Variants in ACOT13 observed in about 807,000 individuals in gnomAD.
The protein encoded by ACOT13 is acyl-coenzyme A thioesterase 13.
In ACOT13, 10 loss-of-function variants were observed where a neutral mutation model predicts 11.8. That is an observed-to-expected ratio of 0.85 (90% CI 0.53 to 1.44). The LOEUF (loss-of-function observed/expected upper bound fraction) is 1.44, where lower values mean the gene tolerates loss of function less well. Among genes scored for constraint, ACOT13 ranks in the 40% most tolerant of loss-of-function variants. The pLI is 0.00. For missense variants in ACOT13, 172 were observed against 174.1 expected, an observed-to-expected ratio of 0.99 and a Z score of 0.07; for synonymous variants, 53 against 61.0, an observed-to-expected ratio of 0.87 and a Z score of 0.61.
chr6:24,687,063 C>G (rs1323894676), intron 1 of ACOT13, among the ~76,000 whole-genome samples: 1 of 152,314 alleles, frequency 6.6e-6, no homozygotes, highest in East Asian at 1.9e-4. Context: ...TCGGAGGAGA[C>G]ACACACCATC....
rs1211133145 is a variant in ACOT13, at chr6:24,699,323, C to CCT, written c.266+1258_266+1259dup. ...CTCCCGGGTTCACACCATTCTCCTG[C>CCT]CTCAGCCTCCCGAGTAGCTGGGACT... On this transcript the variant is annotated intron_variant, in intron 2 of 2. Coordinates refer to ENST00000230048, the MANE Select transcript of ACOT13 (RefSeq NM_018473.4). 4.6e-5 allele frequency among the ~76,000 whole-genome samples: 7 copies of CCT among 151,536 alleles called. No individual in the cohort carries two copies. The South Asian group carries it at 1.5e-3, about 31-fold the overall frequency.
rs1243043021 is a variant in ACOT13, at chr6:24,701,512, T to C, written c.320T>C (p.Leu107Pro). 2 of 1,613,892 alleles carry C rather than the reference T, an allele frequency of 1.2e-6. No individual in the cohort carries two copies. The highest frequency in any genetic ancestry group is 2.7e-5 in the African/African-American group (2 of 74,940). ...GATATAGTGATTACAGCACATGTTC[T>C]GAAGCAAGGAAAAACACTTGCATTT... ...GEDIVITAHV[L>P]KQGKTLAFTS... The change falls in exon 3 of 3, where the codon CTG becomes CCG. Residue 107 changes from leucine (L) to proline (P), a missense_variant. Physicochemically the swap from Leu to Pro is moderately conservative, Grantham distance 98. Transcript: ENST00000230048.
intron 1 of ACOT13, among the ~76,000 whole-genome samples, chr6:24,690,597 A>G (rs764639359): frequency 6.6e-6 from 1 of 152,214 alleles, no homozygotes; most frequent in South Asian, 2.1e-4. Flanking sequence ...CTTTTGTAGC[A>G]TATCTGTCAC....
chr6:24,682,379 C>CA (rs1159276723), intron 1 of ACOT13, among the ~76,000 whole-genome samples: 1 of 152,178 alleles, frequency 6.6e-6, no homozygotes, highest in Non-Finnish European at 1.5e-5. Flanking sequence ...AAGATGGTGG[C>CA]AAGCCTCGTG....
chr6:24,700,414 A>G (rs908332885), intron 2 of ACOT13, among the ~76,000 whole-genome samples: 10 of 150,836 alleles, frequency 6.6e-5, no homozygotes, highest in African/African-American at 2.2e-4. Flanking sequence ...CTTTCCAGCA[A>G]TAAGATCCAC....
intron 2 of ACOT13, among the ~76,000 whole-genome samples, chr6:24,698,642 G>GT (rs536209327): frequency 0.12 from 16,643 of 141,762 alleles, 2,110 homozygotes; most frequent in East Asian, 0.48. Context: ...CATTGCTGGG[G>GT]TTTTTTTTTT....
At chr6:24,688,564 G>A (rs1778672787) in intron 1 of ACOT13, among the ~76,000 whole-genome samples, 1 of 149,986 alleles carries the variant, frequency 6.7e-6, no homozygotes, top group South Asian at 2.1e-4. Flanking sequence ...AAAAAATTGT[G>A]TGAGGGGAAA....
intron 1 of ACOT13, among the ~76,000 whole-genome samples, chr6:24,694,369 G>C (rs1483683443): frequency 1.3e-5 from 2 of 152,170 alleles, no homozygotes; most frequent in African/African-American, 4.8e-5. Context: ...TTTGAGGGTA[G>C]GCTGTTTTGC....
At chr6:24,687,930 C>T (rs535582882) in intron 1 of ACOT13, among the ~76,000 whole-genome samples, 5 of 151,434 alleles carry the variant, frequency 3.3e-5, no homozygotes, top group African/African-American at 1.2e-4. Flanking sequence ...CGAGGCTGGT[C>T]TCAAACTCCT....
intron 1 of ACOT13, among the ~76,000 whole-genome samples, chr6:24,682,004 A>G (rs1421065423): frequency 1.3e-5 from 2 of 152,214 alleles, no homozygotes; most frequent in African/African-American, 2.4e-5. Context: ...TCTGGACGAC[A>G]GCTTTCTGCC....
intron 1 of ACOT13, among the ~76,000 whole-genome samples, chr6:24,674,421 T>A (rs1007542245): frequency 1.3e-5 from 2 of 152,052 alleles, no homozygotes; most frequent in African/African-American, 4.8e-5. Context: ...GTTTTTTTGT[T>A]TTTTTGAGAT....
intron 1 of ACOT13, among the ~76,000 whole-genome samples, chr6:24,688,675 TACTA>T (rs1178059704): frequency 6.6e-6 from 1 of 152,140 alleles, no homozygotes. Flanking sequence ...AAAAATGACT[TACTA>T]ACAGGAGCAT....
rs751114877 is a variant in ACOT13, at chr6:24,704,896, C to A, written c.*3281C>A. On this transcript the variant is annotated 3_prime_UTR_variant, in exon 3 of 3. Transcript: ENST00000230048. ...CACCTGAATAGTCAGGGAACTTTCA[C>A]CTATTTTATTTAGGTTTTCTTTTTC... 1 of 152,198 alleles carries A rather than the reference C, an allele frequency of 6.6e-6. No homozygotes were observed. Among genetic ancestry groups the A allele is most frequent in the Non-Finnish European group, 1.5e-5 (1 of 67,988 alleles). The allele number at this position is 152,198 out of a possible 1,614,324, so 9.4% of individuals were successfully genotyped here.
chr6:24,692,098 A>G (rs966814218), intron 1 of ACOT13, among the ~76,000 whole-genome samples: 3 of 152,172 alleles, frequency 2.0e-5, no homozygotes, highest in Non-Finnish European at 4.4e-5. Context: ...TGAGTCCAGT[A>G]TCAAGTCTGG....
At chr6:24,671,947 G>T (rs899695389) in intron 1 of ACOT13, among the ~76,000 whole-genome samples, 1 of 152,172 alleles carries the variant, frequency 6.6e-6, no homozygotes, top group Non-Finnish European at 1.5e-5. Flanking sequence ...CTCAAAGAAA[G>T]CCAAACACTG....
chr6:24,686,063 C>A (rs4712839), intron 1 of ACOT13, among the ~76,000 whole-genome samples: 120,475 of 151,792 alleles, frequency 0.79, 48,407 homozygotes, highest in African/African-American at 0.92. Context: ...AAAGGTTAAC[C>A]GTCAGACTAA....
intron 1 of ACOT13, among the ~76,000 whole-genome samples, chr6:24,690,616 C>G (rs972215398): frequency 1.3e-5 from 2 of 152,236 alleles, no homozygotes; most frequent in Admixed American, 1.3e-4. Context: ...ACCACCACCA[C>G]TATCTCAGTG....
At chr6:24,668,276 T>A (rs1374677111) in intron 1 of ACOT13, among the ~76,000 whole-genome samples, 2 of 151,942 alleles carry the variant, frequency 1.3e-5, no homozygotes, top group African/African-American at 4.8e-5. Context: ...GGGAGTGCAG[T>A]GACACGATCT....
chr6:24,671,124 AG>A (rs1778356049), intron 1 of ACOT13, among the ~76,000 whole-genome samples: 1 of 152,234 alleles, frequency 6.6e-6, no homozygotes, highest in Non-Finnish European at 1.5e-5. Flanking sequence ...ATATACCCAA[AG>A]GATTATAAAT....
Sources: allele counts gnomAD v4.1 joint callset (sites outside exome capture counted in the v4.1 genomes callset), GRCh38; gene constraint gnomAD v4.1.1; transcripts MANE v1.5; gene names NCBI Gene and HGNC (gene_info 2026-07-23, HGNC 2026-07-21).